The following TNR variants were observed in gnomAD, a reference collection of about 807,000 sequenced individuals.
TNR encodes the protein tenascin-R.
TNR carries 45 observed loss-of-function variants against 150.4 expected under a neutral mutation model. That is an observed-to-expected ratio of 0.30 (90% CI 0.24 to 0.38). The LOEUF is 0.38. TNR is among the 10% of genes least tolerant of loss of function. TNR has a pLI of 1.00. For synonymous variants in TNR, 687 were observed against 678.4 expected, an observed-to-expected ratio of 1.01 and a Z score of -0.20; for missense variants, 1,544 against 1,759.1, an observed-to-expected ratio of 0.88 and a Z score of 2.19.
intron 2 of TNR, among the ~76,000 whole-genome samples, chr1:175,498,658 G>C (rs1339502832): frequency 1.3e-5 from 2 of 152,178 alleles, no homozygotes; most frequent in Admixed American, 1.3e-4. Context: ...GCCCTAGTTT[G>C]AAGTTAAGCA....
At chr1:175,561,370 A>G (rs1018148839) in intron 1 of TNR, among the ~76,000 whole-genome samples, 7 of 152,194 alleles carry the variant, frequency 4.6e-5, no homozygotes, top group Non-Finnish European at 8.8e-5. Context: ...AAACAATCGG[A>G]AAGCAGCATA....
At chr1:175,463,401 G>A (rs779401186) in intron 2 of TNR, among the ~76,000 whole-genome samples, 143 of 152,264 alleles carry the variant, frequency 9.4e-4, no homozygotes, top group Non-Finnish European at 1.5e-3. Flanking sequence ...AAGCCACAGC[G>A]TGGGCAAAGT....
intron 18 of TNR, 100 bp downstream of exon 18, chr1:175,354,291 T>C: frequency 6.7e-7 from 1 of 1,483,306 alleles, no homozygotes; most frequent in Non-Finnish European, 9.0e-7. Context: ...ACTGAGCTTT[T>C]TTGATAAACT....
intron 2 of TNR, among the ~76,000 whole-genome samples, chr1:175,518,503 C>T (rs1659503281): frequency 6.6e-6 from 1 of 152,136 alleles, no homozygotes; most frequent in African/African-American, 2.4e-5. Context: ...TTATCATATT[C>T]CAGGGTCCAT....
At chr1:175,452,441 C>G (rs541125102) in intron 2 of TNR, among the ~76,000 whole-genome samples, 1 of 152,176 alleles carries the variant, frequency 6.6e-6, no homozygotes. Context: ...CCCAGGTGGA[C>G]GGGGGGACGG....
At chr1:175,623,879 C>G (rs1375345211) in intron 1 of TNR, among the ~76,000 whole-genome samples, 5 of 152,254 alleles carry the variant, frequency 3.3e-5, no homozygotes, top group Non-Finnish European at 5.9e-5. Flanking sequence ...ACAGGTGAAG[C>G]CAAGGCTTGG....
At chr1:175,354,985 T>C (rs1651249264) in intron 17 of TNR, among the ~76,000 whole-genome samples, 1 of 152,232 alleles carries the variant, frequency 6.6e-6, no homozygotes, top group Admixed American at 6.5e-5. Context: ...TTTCAACTGA[T>C]GAAATAAAAC....
chr1:175,629,115 G>A (rs1345644970), intron 1 of TNR, among the ~76,000 whole-genome samples: 6 of 152,098 alleles, frequency 3.9e-5, no homozygotes, highest in African/African-American at 1.2e-4. Context: ...TTCTGAGAGC[G>A]TAGGAGATGA....
rs1653155541 is a variant in TNR at position 175,391,312 on chromosome 1, G to A, written c.1483C>T (p.Pro495Ser). 1 of 1,614,042 alleles carries A rather than the reference G, an allele frequency of 6.2e-7. No homozygotes were observed. ...CCTGTGGAGACGCTGGCCGAGGTAG[G>A]GGGGCTGCGGGCCTGTTCTTTCAGA... Reference protein sequence around the residue: ...VALKEQARSPPTSASVSTVID... With the variant: ...VALKEQARSPSTSASVSTVID... Residue 495 changes from proline to serine, a missense_variant, in exon 7 of 23, where the codon CCT becomes TCT. Around this residue, in one of 2 missense-constraint regions of TNR, gnomAD observed 1,254 missense variants for 1,329.4 expected, o/e 0.94. Transcript: ENST00000367674.
In TNR at chr1:175,407,257, T is replaced by C. The variant is rs990847373; in HGVS notation, c.-63-480A>G. 4.6e-5 allele frequency among the ~76,000 whole-genome samples: 7 copies of C among 152,328 alleles called. No individual in the cohort carries two copies. In the South Asian group the frequency reaches 1.2e-3, roughly 27 times the overall value. On this transcript the variant is annotated intron_variant, in intron 2 of 22. Coordinates refer to ENST00000367674, the MANE Select transcript of TNR (RefSeq NM_003285.3). ...TCATGAGCTCCTCTCAGCTCATCTA[T>C]CCATACAAATTGTCTTCAGAATAAC...
chr1:175,463,221 A>G (rs548583159), intron 2 of TNR, among the ~76,000 whole-genome samples: 1 of 152,216 alleles, frequency 6.6e-6, no homozygotes, highest in Admixed American at 6.5e-5. Flanking sequence ...GGTTCCTTAT[A>G]CCACTGACTT....
intron 1 of TNR, among the ~76,000 whole-genome samples, chr1:175,613,279 A>C (rs377252627): frequency 6.6e-6 from 1 of 152,096 alleles, no homozygotes; most frequent in African/African-American, 2.4e-5. Flanking sequence ...CCAGGGCCCA[A>C]ATCCTTCCCA....
intron 2 of TNR, among the ~76,000 whole-genome samples, chr1:175,452,984 G>A (rs866457298): frequency 2.0e-5 from 3 of 152,082 alleles, no homozygotes; most frequent in Non-Finnish European, 4.4e-5. Flanking sequence ...CCGTGTAATG[G>A]ATGCAGAGAT....
chr1:175,440,270 C>T lies in TNR; in HGVS notation c.-63-33493G>A, dbSNP rs896731997. On this transcript the variant is annotated intron_variant, in intron 2 of 22. Transcript: ENST00000367674. The stretch of plus-strand genomic sequence containing the variant: ...AACCATCATTCTCAGCAAACTATCA[C>T]GAGGACAAAAAACCAAACACCGCAT... Among the ~76,000 whole-genome samples the T allele has an allele frequency of 4.0e-5, 6 of 151,262 alleles. No individual in the cohort carries two copies. The East Asian group carries it at 5.8e-4, about 15-fold the overall frequency.
chr1:175,495,139 G>A lies in TNR; in HGVS notation c.-64+33130C>T, dbSNP rs1031956651. Reference sequence around the variant, plus strand: ...CAGTGACTCATACTGGGCCAGGCAAGTGTGAAGAGACGAGTTGTCCTCCCA... The same window carrying A: ...CAGTGACTCATACTGGGCCAGGCAAATGTGAAGAGACGAGTTGTCCTCCCA... On this transcript the variant is annotated intron_variant, in intron 2 of 22. Coordinates refer to ENST00000367674, the MANE Select transcript of TNR (RefSeq NM_003285.3). 2.0e-5 allele frequency among the ~76,000 whole-genome samples: 3 copies of A among 152,202 alleles called. No homozygotes were observed. The South Asian group carries it at 6.2e-4, about 32-fold the overall frequency.
chr1:175,510,429 T>G (rs754718356), intron 2 of TNR, among the ~76,000 whole-genome samples: 1 of 152,146 alleles, frequency 6.6e-6, no homozygotes, highest in East Asian at 1.9e-4. Context: ...CTGTTACTTT[T>G]GACCCTCACT....
chr1:175,700,104 T>C (rs1666643027), intron 1 of TNR, among the ~76,000 whole-genome samples: 1 of 151,034 alleles, frequency 6.6e-6, no homozygotes, highest in Non-Finnish European at 1.5e-5. Context: ...GGGAGCACGT[T>C]GGATGGAAGC....
chr1:175,358,178 T>C (rs992557277), intron 15 of TNR, among the ~76,000 whole-genome samples: 1 of 152,224 alleles, frequency 6.6e-6, no homozygotes, highest in Non-Finnish European at 1.5e-5. Context: ...TGAGATGGAT[T>C]GTGCATGCTC....
Position 175,370,338 on chromosome 1 carries a change from CTTTTTTTTTTTTTTTT to C in TNR, c.1964-3057_1964-3042del, listed in dbSNP as rs55795922. Among the ~76,000 whole-genome samples, 11 of 42,972 alleles carry C rather than the reference CTTTTTTTTTTTTTTTT, an allele frequency of 2.6e-4. No individual in the cohort carries two copies. The South Asian group carries it at 5.6e-3, about 22-fold the overall frequency. 28.2% of individuals were successfully genotyped at this position (42,972 alleles called of 152,430 possible). The stretch of plus-strand genomic sequence containing the variant: ...GAGAACTATTCCTGGATTTTGAGTA[CTTTTTTTTTTTTTTTT>C]TTTTTTTTTTTTTTTGGTGAGTGGT... On this transcript the variant is annotated intron_variant, in intron 9 of 22. Coordinates refer to ENST00000367674, the MANE Select transcript of TNR (RefSeq NM_003285.3).
Sources: allele counts gnomAD v4.1 joint callset (sites outside exome capture counted in the v4.1 genomes callset), GRCh38; gene constraint gnomAD v4.1.1; regional missense constraint gnomAD v4.1.1; transcripts MANE v1.5; gene names NCBI Gene and HGNC (gene_info 2026-07-23, HGNC 2026-07-21).